The following SH3PXD2B variants were observed in gnomAD, a reference collection of about 807,000 sequenced individuals.
The protein encoded by SH3PXD2B is SH3 and PX domains 2B, also known as SH3 and PX domain-containing protein 2B.
In SH3PXD2B, 37 loss-of-function variants were observed where a neutral mutation model predicts 73.1. The observed-to-expected ratio is 0.51, with a 90% confidence interval of 0.39 to 0.67. The LOEUF (loss-of-function observed/expected upper bound fraction) is 0.67, where lower values mean the gene tolerates loss of function less well. Ranked by LOEUF, SH3PXD2B falls within the 30% of genes least tolerant of loss-of-function variation. SH3PXD2B has a pLI of 0.00. For missense variants in SH3PXD2B, 1,053 were observed against 1,197.8 expected (o/e 0.88, Z 1.78); for synonymous variants, 457 against 480.5 (o/e 0.95, Z 0.64).
intron 10 of SH3PXD2B, among the ~76,000 whole-genome samples, chr5:172,349,939 C>T (rs1463756262): frequency 6.6e-6 from 1 of 152,176 alleles, no homozygotes; most frequent in African/African-American, 2.4e-5. Context: ...ACTGCAACCT[C>T]TGCCTCCCGG....
At position 172,339,696 on chromosome 5, in the gene SH3PXD2B, A is replaced by G; in HGVS notation, c.1409T>C (p.Leu470Pro). Residue 470 changes from leucine (L) to proline (P), a missense_variant, in exon 13 of 13, where the codon CTG (leucine) becomes CCG (proline). This residue lies in a region of SH3PXD2B where 587 missense variants were observed against 590.7 expected (regional missense o/e 0.99). Transcript: ENST00000311601. This position sits in a 1 kb window ranked among gnomAD's most constrained non-coding sequence, Gnocchi z 6.1. ...CATGACACCATGCGGTGCGTCAGGC[A>G]GGGGCCGGGAGGGGCCCGTGGCTTC... ...GSEATGPSRP[L>P]PDAPHGVMDS... 6.2e-7 allele frequency: 1 copy of G among 1,614,196 alleles called. No homozygotes were observed. The highest frequency in any genetic ancestry group is 8.5e-7 in the Non-Finnish European group (1 of 1,180,034).
At chr5:172,437,849 T>C (rs1759430074) in intron 1 of SH3PXD2B, among the ~76,000 whole-genome samples, 1 of 151,896 alleles carries the variant, frequency 6.6e-6, no homozygotes, top group South Asian at 2.1e-4. Context: ...CGCTTATCCC[T>C]GTGTGCAGAG....
chr5:172,393,559 C>G (rs752356518), intron 4 of SH3PXD2B, among the ~76,000 whole-genome samples: 1 of 152,164 alleles, frequency 6.6e-6, no homozygotes, highest in Non-Finnish European at 1.5e-5. Flanking sequence ...TGTGTGCTTA[C>G]ACTGGCTAGT....
chr5:172,437,611 C>T (rs1759425137), intron 1 of SH3PXD2B, among the ~76,000 whole-genome samples: 1 of 152,254 alleles, frequency 6.6e-6, no homozygotes, highest in African/African-American at 2.4e-5. Context: ...ACGTCAGCGC[C>T]AGGAATCACC....
Position 172,333,559 on chromosome 5 carries a change from G to A in SH3PXD2B, c.*4810C>T, listed in dbSNP as rs1175947873. ...TTTATTTAAAAAAAAAAAAAGGAAA[G>A]AAGTCAAATGGTAAAGTATATAGCC... is the stretch of plus-strand genomic sequence containing the variant. On this transcript the variant is annotated 3_prime_UTR_variant, in exon 13 of 13. Transcript: ENST00000311601. 8.6e-6 allele frequency: 10 copies of A among 1,160,994 alleles called. No individual in the cohort carries two copies. Among genetic ancestry groups the A allele is most frequent in the South Asian group, 5.0e-5 (3 of 60,524 alleles). The allele number at this position is 1,160,994 out of a possible 1,614,324, so 71.9% of individuals were successfully genotyped here.
At chr5:172,371,557 T>G (rs1255958685) in intron 6 of SH3PXD2B, among the ~76,000 whole-genome samples, 2 of 152,226 alleles carry the variant, frequency 1.3e-5, no homozygotes, top group Non-Finnish European at 2.9e-5. Flanking sequence ...ACATAAGATA[T>G]AAGGCTAATC....
At chr5:172,442,219 C>T (rs1056282086) in intron 1 of SH3PXD2B, among the ~76,000 whole-genome samples, 1 of 152,186 alleles carries the variant, frequency 6.6e-6, no homozygotes, top group African/African-American at 2.4e-5. Context: ...AGGAATCAAA[C>T]AGGCTGACTG....
intron 8 of SH3PXD2B, among the ~76,000 whole-genome samples, chr5:172,355,399 G>A (rs1009916772): frequency 6.6e-6 from 1 of 152,234 alleles, no homozygotes; most frequent in African/African-American, 2.4e-5. Context: ...GTGGAGGGAA[G>A]AATCCAACCC....
At chr5:172,439,682 G>GCACA (rs879732011) in intron 1 of SH3PXD2B, among the ~76,000 whole-genome samples, 1 of 109,490 alleles carries the variant, frequency 9.1e-6, no homozygotes, top group African/African-American at 3.7e-5. Flanking sequence ...GTGCGTGCGC[G>GCACA]CACGCGCGCG....
chr5:172,371,041 C>T (rs1017820550), intron 6 of SH3PXD2B, among the ~76,000 whole-genome samples: 1 of 152,118 alleles, frequency 6.6e-6, no homozygotes, highest in Non-Finnish European at 1.5e-5. Flanking sequence ...GAAAGTCTGA[C>T]ATTGGAAGGG....
chr5:172,398,574 C>G, intron 3 of SH3PXD2B, among the ~76,000 whole-genome samples: 1 of 152,218 alleles, frequency 6.6e-6, no homozygotes, highest in East Asian at 1.9e-4. Flanking sequence ...CTGGATTACA[C>G]ATCACTCAGG....
chr5:172,372,791 C>A (rs1181979857), intron 6 of SH3PXD2B, among the ~76,000 whole-genome samples: 1 of 152,150 alleles, frequency 6.6e-6, no homozygotes, highest in African/African-American at 2.4e-5. Flanking sequence ...TCTGTTCGCA[C>A]CCCTGATCCT....
At chr5:172,366,486 G>T (rs1161604405) in intron 6 of SH3PXD2B, among the ~76,000 whole-genome samples, 1 of 152,188 alleles carries the variant, frequency 6.6e-6, no homozygotes, top group East Asian at 1.9e-4. Context: ...AAGCACAAAG[G>T]TGCCTTTGCA....
At chr5:172,358,635 G>T in intron 8 of SH3PXD2B, 138 bp downstream of exon 8, 1 of 837,044 alleles carries the variant, frequency 1.2e-6, no homozygotes, top group Non-Finnish European at 2.0e-6. Context: ...TGGTTCACAG[G>T]CCATGGAGCC....
intron 2 of SH3PXD2B, among the ~76,000 whole-genome samples, chr5:172,414,010 T>C (rs1758759568): frequency 6.6e-6 from 1 of 152,250 alleles, no homozygotes; most frequent in Non-Finnish European, 1.5e-5. Flanking sequence ...TCTTCAGTTC[T>C]GCCATCCCCT....
chr5:172,337,460 T>C lies in SH3PXD2B; in HGVS notation c.*909A>G, dbSNP rs1385299204. ...GAGGTTGTGAGGGTCAAAGCATGAA[T>C]GCAAAGCGCCAAGTACAGTGTTTGG... is the stretch of plus-strand genomic sequence containing the variant. On this transcript the variant is annotated 3_prime_UTR_variant, in exon 13 of 13. Transcript: ENST00000311601. 4.3e-5 allele frequency: 42 copies of C among 984,350 alleles called. No homozygotes were observed. Among genetic ancestry groups the C allele is most frequent in the Non-Finnish European group, 4.8e-5 (40 of 828,978 alleles). The allele number at this position is 984,350 out of a possible 1,614,324, so 61.0% of individuals were successfully genotyped here.
intron 10 of SH3PXD2B, among the ~76,000 whole-genome samples, chr5:172,348,675 C>CTATCTATCTATCTATCTTATCT: frequency 1.8e-5 from 1 of 56,706 alleles, no homozygotes; most frequent in African/African-American, 5.9e-5. Context: ...ATCTATCTAT[C>CTATCTATCTATCTATCTTATCT]TATCTATCTA....
intron 12 of SH3PXD2B, among the ~76,000 whole-genome samples, chr5:172,326,262 A>G (rs1756445932): frequency 6.6e-6 from 1 of 152,246 alleles, no homozygotes; most frequent in East Asian, 1.9e-4. Flanking sequence ...ACTAAATTTA[A>G]TATAGTGAAG....
intron 3 of SH3PXD2B, among the ~76,000 whole-genome samples, chr5:172,403,663 T>A (rs1389096871): frequency 2.0e-5 from 3 of 152,228 alleles, no homozygotes; most frequent in Non-Finnish European, 4.4e-5. Context: ...TGGGTAGTTT[T>A]CCAGAGCTGA....
Sources: gnomAD v4.1 joint callset for allele counts (sites outside exome capture counted in the v4.1 genomes callset) on GRCh38, gnomAD v4.1.1 for gene constraint, gnomAD v4.1.1 regional missense constraint, Gnocchi (gnomAD v3.1) non-coding constraint, MANE v1.5 for transcripts, NCBI Gene and HGNC (gene_info 2026-07-23, HGNC 2026-07-21) for gene names.